Variants in LYSMD2 observed in about 807,000 individuals in gnomAD.
The protein encoded by LYSMD2 is LysM domain containing 2, also known as lysM and putative peptidoglycan-binding domain-containing protein 2.
A neutral mutation model predicts 17.7 loss-of-function variants in LYSMD2; 6 were observed. The ratio of observed to expected loss-of-function variants is 0.34; its 90% CI spans 0.19 to 0.67. The LOEUF (loss-of-function observed/expected upper bound fraction) is 0.67. Ranked by LOEUF, LYSMD2 falls within the 30% of genes least tolerant of loss-of-function variation. The pLI, the probability that LYSMD2 is intolerant of heterozygous loss-of-function variation, is 0.69. For synonymous variants in LYSMD2, 102 were observed against 129.8 expected, an observed-to-expected ratio of 0.79 and a Z score of 1.45; for missense variants, 237 against 286.7, an observed-to-expected ratio of 0.83 and a Z score of 1.25.
At chr15:51,728,169 C>A (rs1224522969) in intron 1 of LYSMD2, among the ~76,000 whole-genome samples, 2 of 152,120 alleles carry the variant, frequency 1.3e-5, no homozygotes, top group Non-Finnish European at 1.5e-5. Context: ...GTGGCTCATG[C>A]CTGTAATCCC....
rs2055672276 is a variant in LYSMD2 at position 51,747,166 on chromosome 15, C to T, written c.-1+4105G>A. ...AGTGAGCCGAGATCACGCCATTGCA[C>T]TCCAGCCTGGGTAACAGAGTAAGAC... On this transcript the variant is annotated intron_variant, in intron 1 of 2. Coordinates refer to the LYSMD2 transcript ENST00000454181. Among the ~76,000 whole-genome samples, 3 of 151,856 alleles carry T rather than the reference C, an allele frequency of 2.0e-5. No individual in the cohort carries two copies. The South Asian group carries it at 6.2e-4, about 32-fold the overall frequency.
chr15:51,724,692 GA>G, intron 2 of LYSMD2, 97 bp downstream of exon 2: 4 of 691,254 alleles, frequency 5.8e-6, no homozygotes, highest in Non-Finnish European at 8.6e-6. Flanking sequence ...GAAAAGAAAA[GA>G]AAAGGCAAAG....
intron 1 of LYSMD2, among the ~76,000 whole-genome samples, chr15:51,734,107 C>T (rs758860443): frequency 3.3e-5 from 5 of 152,028 alleles, no homozygotes; most frequent in Admixed American, 6.6e-5. Context: ...AGCTTGAACC[C>T]GGGAGGCGGA....
chr15:51,748,043 C>A (rs1480284794), intron 1 of LYSMD2, among the ~76,000 whole-genome samples: 2 of 151,870 alleles, frequency 1.3e-5, no homozygotes, highest in African/African-American at 2.4e-5. Flanking sequence ...GAGGCCGAGG[C>A]AGGTGGATCA....
intron 1 of LYSMD2, among the ~76,000 whole-genome samples, chr15:51,731,496 C>T (rs928269873): frequency 5.3e-5 from 8 of 152,150 alleles, no homozygotes; most frequent in African/African-American, 1.4e-4. Flanking sequence ...AGGTAACTTT[C>T]GTTAGCGGAA....
chr15:51,737,694 G>GCCGCCT, upstream of LYSMD2: 1 of 1,085,838 alleles, frequency 9.2e-7, no homozygotes, highest in Non-Finnish European at 1.2e-6. This position sits in a 1 kb window ranked among gnomAD's most constrained non-coding sequence, Gnocchi z 4.2. Context: ...CGCCGCCGCC[G>GCCGCCT]CCGCCTCTTC....
At position 51,737,334 on chromosome 15, in the gene LYSMD2, G is replaced by A. The variant is rs1344554567; in HGVS notation, c.273+16C>T. The A allele has an allele frequency of 1.5e-6, 2 of 1,336,486 alleles. No homozygotes were observed. Among genetic ancestry groups the A allele is most frequent in the African/African-American group, 1.5e-5 (1 of 65,136 alleles). 82.8% of individuals were successfully genotyped at this position (1,336,486 alleles called of 1,614,324 possible). ...GGTAGCTGCCAGCCCGGGCCGCGGC[G>A]GCGCGCCCTGCTCACCGTGACACCG... On this transcript the variant is annotated intron_variant, in intron 1 of 2. Transcript: ENST00000267838. The surrounding 1 kb of genome is among the most constrained non-coding windows in gnomAD (Gnocchi z 4.2).
intron 1 of LYSMD2, among the ~76,000 whole-genome samples, chr15:51,747,945 A>G (rs770894695): frequency 1.6e-4 from 24 of 152,130 alleles, no homozygotes; most frequent in Non-Finnish European, 2.8e-4. Context: ...CTTTCTAATA[A>G]CCCCATGTGG....
At chr15:51,750,513 A>C (rs57897477) in intron 1 of LYSMD2, among the ~76,000 whole-genome samples, 2 of 152,246 alleles carry the variant, frequency 1.3e-5, no homozygotes, top group Non-Finnish European at 2.9e-5. Flanking sequence ...AAATCCCACC[A>C]TCATGTGAAA....
intron 1 of LYSMD2, among the ~76,000 whole-genome samples, chr15:51,747,665 C>A (rs1452024287): frequency 1.3e-5 from 2 of 152,126 alleles, no homozygotes; most frequent in Non-Finnish European, 2.9e-5. Context: ...TATAAGCTTT[C>A]TCTCCTTTTA....
chr15:51,723,513 G>T lies in LYSMD2; in HGVS notation c.*94C>A. 1.0e-6 allele frequency: 1 copy of T among 999,970 alleles called. No individual in the cohort carries two copies. Among genetic ancestry groups the T allele is most frequent in the Non-Finnish European group, 1.6e-6 (1 of 626,650 alleles). The allele number at this position is 999,970 out of a possible 1,614,324, so 61.9% of individuals were successfully genotyped here. A position where few individuals can be genotyped will look rare whatever the true frequency, so the allele number is the denominator to read the frequency against. ...TATGATTTTAAGATGGACACTATAG[G>T]AATCCAGAAGGGATGTTTTTGAATC... On this transcript the variant is annotated 3_prime_UTR_variant, in exon 3 of 3. Coordinates refer to ENST00000267838, the MANE Select transcript of LYSMD2 (RefSeq NM_153374.3).
At position 51,742,815 on chromosome 15, in the gene LYSMD2, A is replaced by G. The variant is rs1365549378; in HGVS notation, c.-1+8456T>C. Among the ~76,000 whole-genome samples, 4 of 152,308 alleles carry G rather than the reference A, an allele frequency of 2.6e-5. No homozygotes were observed. The East Asian group carries it at 5.8e-4, about 22-fold the overall frequency. On this transcript the variant is annotated intron_variant, in intron 1 of 2. Transcript: ENST00000454181. ...GTCTCTAAAAAAAATAGAAAGACGT[A>G]GCCAGTTGTGGTGGCACATGCCTGT...
At chr15:51,729,818 C>T (rs1198072556) in intron 1 of LYSMD2, among the ~76,000 whole-genome samples, 1 of 152,224 alleles carries the variant, frequency 6.6e-6, no homozygotes, top group East Asian at 1.9e-4. Flanking sequence ...CTGGCAATTT[C>T]ACTTCATATA....
At chr15:51,736,415 T>C (rs529627980) in intron 1 of LYSMD2, among the ~76,000 whole-genome samples, 1 of 152,348 alleles carries the variant, frequency 6.6e-6, no homozygotes, top group East Asian at 1.9e-4. Context: ...TAGAAGGACC[T>C]GATAGGTAAA....
At chr15:51,747,430 G>A (rs902328896) in intron 1 of LYSMD2, among the ~76,000 whole-genome samples, 6 of 152,146 alleles carry the variant, frequency 3.9e-5, no homozygotes, top group Non-Finnish European at 5.9e-5. Flanking sequence ...GGTGGAGGCT[G>A]TGGTGAGCCG....
At chr15:51,726,016 A>G (rs1427053930) in intron 1 of LYSMD2, among the ~76,000 whole-genome samples, 1 of 152,228 alleles carries the variant, frequency 6.6e-6, no homozygotes, top group Non-Finnish European at 1.5e-5. Context: ...AAACAAAAAA[A>G]TTGTATTTCT....
chr15:51,732,838 C>T (rs866467039), intron 1 of LYSMD2, among the ~76,000 whole-genome samples: 1 of 152,376 alleles, frequency 6.6e-6, no homozygotes, highest in African/African-American at 2.4e-5. Context: ...CAGCTGCTAT[C>T]CTCTCCCACC....
chr15:51,741,492 C>T (rs2055642440), upstream of LYSMD2, among the ~76,000 whole-genome samples: 2 of 152,162 alleles, frequency 1.3e-5, no homozygotes, highest in African/African-American at 4.8e-5. Flanking sequence ...TCACATAATT[C>T]ATCCATTTAA....
Position 51,737,240 on chromosome 15 carries a change from T to TG in LYSMD2, c.273+109_273+110insC. On this transcript the variant is annotated intron_variant, in intron 1 of 2. Transcript: ENST00000267838. The surrounding 1 kb of genome is among the most constrained non-coding windows in gnomAD (Gnocchi z 4.2). Reference sequence around the variant, plus strand: ...GCACGGCCGTCCCTGCGACTCCCCATCCCCCAAACCCCCACCCGCAGTCCC... The same window carrying TG: ...GCACGGCCGTCCCTGCGACTCCCCATGCCCCCAAACCCCCACCCGCAGTCCC... 9.0e-4 allele frequency: 193 copies of TG among 215,362 alleles called. No individual in the cohort carries two copies. The highest frequency in any genetic ancestry group is 1.9e-3 in the Middle Eastern group (1 of 538). 13.3% of individuals were successfully genotyped at this position (215,362 alleles called of 1,614,324 possible). A position where few individuals can be genotyped will look rare whatever the true frequency, so the allele number is the denominator to read the frequency against.
Sources: gnomAD v4.1 joint callset for allele counts (sites outside exome capture counted in the v4.1 genomes callset) on GRCh38, gnomAD v4.1.1 for gene constraint, Gnocchi (gnomAD v3.1) non-coding constraint, MANE v1.5 for transcripts, NCBI Gene and HGNC (gene_info 2026-07-23, HGNC 2026-07-21) for gene names.